AHRR: variants seen among roughly 807,000 people sequenced by gnomAD.
The protein encoded by AHRR is aryl hydrocarbon receptor repressor, also known as ahR repressor.
In AHRR, 28 loss-of-function variants were observed where a neutral mutation model predicts 44.0. The observed-to-expected ratio is 0.64, with a 90% CI of 0.47 to 0.87. The LOEUF is 0.87. Among genes scored for constraint, AHRR ranks in the 40% least tolerant of loss-of-function variants. AHRR has a pLI of 0.00. For synonymous variants in AHRR, 434 were observed against 407.0 expected, an observed-to-expected ratio of 1.07 and a Z score of -0.80; for missense variants, 990 against 953.9, an observed-to-expected ratio of 1.04 and a Z score of -0.50.
chr5:328,776 A>G (rs2126322274), intron 1 of AHRR, among the ~76,000 whole-genome samples: 1 of 152,158 alleles, frequency 6.6e-6, no homozygotes, highest in East Asian at 1.9e-4. Context: ...AGTTCCTCGT[A>G]TATTCTGGTT....
chr5:425,895 G>A (rs959699614), intron 7 of AHRR, among the ~76,000 whole-genome samples: 1 of 152,160 alleles, frequency 6.6e-6, no homozygotes, highest in Non-Finnish European at 1.5e-5. Context: ...GGCTCTTCCC[G>A]GCTTTCACCC....
intron 4 of AHRR, among the ~76,000 whole-genome samples, chr5:390,283 C>T (rs1734356805): frequency 6.6e-6 from 1 of 152,162 alleles, no homozygotes; most frequent in Non-Finnish European, 1.5e-5. Context: ...CACACGCCTG[C>T]ATCAAAACAT....
chr5:353,992 G>A, intron 3 of AHRR, 81 bp downstream of exon 3: 2 of 1,444,310 alleles, frequency 1.4e-6, no homozygotes, highest in South Asian at 2.6e-5. Context: ...TTGTGGCCAG[G>A]TGAAGTGTGT....
rs376775245 is a variant in AHRR at position 384,630 on chromosome 5, C to T, written c.351+7914C>T. ...GTAGATGGGGTTTCACCATGTTTGC[C>T]AGGCTGGTCTTGAACCCCTGACCTC... is the stretch of plus-strand genomic sequence containing the variant. On this transcript the variant is annotated intron_variant, in intron 4 of 10. Coordinates refer to ENST00000684583, the MANE Select transcript of AHRR (RefSeq NM_001377236.1). Among the ~76,000 whole-genome samples the T allele has an allele frequency of 2.6e-5, 4 of 152,266 alleles. No individual in the cohort carries two copies. In the East Asian group the frequency reaches 5.8e-4, roughly 22 times the overall value.
chr5:328,752 C>A (rs772764973), intron 1 of AHRR, among the ~76,000 whole-genome samples: 1 of 152,018 alleles, frequency 6.6e-6, no homozygotes, highest in African/African-American at 2.4e-5. Flanking sequence ...TTGTTGCCAT[C>A]GTTCAATTGT....
At chr5:348,636 T>C (rs1031180429) in intron 2 of AHRR, among the ~76,000 whole-genome samples, 1 of 152,226 alleles carries the variant, frequency 6.6e-6, no homozygotes, top group African/African-American at 2.4e-5. Context: ...TGTCTGCACT[T>C]GGTATAAAAG....
At chr5:376,557 A>AACCGCGG (rs368685976) in intron 3 of AHRR, 53 bp from the exon 4 acceptor site, 3 of 1,429,204 alleles carry the variant, frequency 2.1e-6, no homozygotes, top group Non-Finnish European at 2.8e-6. Flanking sequence ...AATGAAGAAG[A>AACCGCGG]GTGGCCAGGC....
At chr5:365,749 G>T (rs1743334410) in intron 3 of AHRR, among the ~76,000 whole-genome samples, 2 of 152,048 alleles carry the variant, frequency 1.3e-5, no homozygotes, top group Non-Finnish European at 2.9e-5. Context: ...CAATAAATTT[G>T]AAGTTTGAAA....
intron 3 of AHRR, among the ~76,000 whole-genome samples, chr5:374,615 A>G (rs1743712231): frequency 1.3e-5 from 2 of 152,170 alleles, no homozygotes; most frequent in South Asian, 2.1e-4. Flanking sequence ...TTTACCAGCT[A>G]TGGGAGTTGA....
At chr5:385,058 T>G (rs1052865752) in intron 4 of AHRR, among the ~76,000 whole-genome samples, 6 of 152,168 alleles carry the variant, frequency 3.9e-5, no homozygotes, top group Non-Finnish European at 5.9e-5. Context: ...GCAGGAGAAT[T>G]GCTTGTACCC....
At chr5:430,580 T>A (rs564048020) in intron 8 of AHRR, among the ~76,000 whole-genome samples, 1 of 152,336 alleles carries the variant, frequency 6.6e-6, no homozygotes, top group Non-Finnish European at 1.5e-5. Flanking sequence ...CGGTGGTCTC[T>A]GTTGTGGGCG....
At chr5:433,069 C>A (rs1579717110) in intron 10 of AHRR, 122 bp downstream of exon 10, 1 of 1,182,056 alleles carries the variant, frequency 8.5e-7, no homozygotes. Flanking sequence ...GCCTTGGCCA[C>A]CACACGAGCC....
In AHRR at chr5:395,940, G is replaced by T. The variant is rs1734683987; in HGVS notation, c.352-17404G>T. Among the ~76,000 whole-genome samples, 1 of 152,212 alleles carries T rather than the reference G, an allele frequency of 6.6e-6. No individual in the cohort carries two copies. The highest frequency in any genetic ancestry group is 1.5e-5 in the Non-Finnish European group (1 of 68,042). ...GGCTCTAAGGGGCTCCTGGTACGAG[G>T]ATTAGGAGGCCATGGGTCGTCCAGA... is the stretch of plus-strand genomic sequence containing the variant. On this transcript the variant is annotated intron_variant, in intron 4 of 10. Transcript: ENST00000684583. The surrounding 1 kb of genome is among the most constrained non-coding windows in gnomAD (Gnocchi z 5.3).
chr5:380,951 T>C (rs953820259), intron 4 of AHRR, among the ~76,000 whole-genome samples: 33 of 152,228 alleles, frequency 2.2e-4, no homozygotes, highest in African/African-American at 6.3e-4. Flanking sequence ...ATGCAGCTCC[T>C]AGCTCAAGGC....
At chr5:398,643 C>T (rs1023166107) in intron 4 of AHRR, among the ~76,000 whole-genome samples, 2 of 152,184 alleles carry the variant, frequency 1.3e-5, no homozygotes, top group Non-Finnish European at 2.9e-5. Flanking sequence ...TGTGCCAAAC[C>T]GGGTTTCAGG....
chr5:344,792 G>T (rs1355377664), intron 2 of AHRR, among the ~76,000 whole-genome samples: 1 of 125,112 alleles, frequency 8.0e-6, no homozygotes, highest in Non-Finnish European at 1.7e-5. Context: ...GGTGTGCGAG[G>T]CTGTGTGAGA....
intron 4 of AHRR, among the ~76,000 whole-genome samples, chr5:398,503 G>A (rs1734866208): frequency 6.6e-6 from 1 of 152,220 alleles, no homozygotes; most frequent in Admixed American, 6.5e-5. Flanking sequence ...TCTATTCAGT[G>A]GTGTTCACTC....
intron 1 of AHRR, among the ~76,000 whole-genome samples, chr5:324,255 T>TC (rs1462129863): frequency 2.0e-5 from 3 of 151,116 alleles, no homozygotes; most frequent in Non-Finnish European, 2.9e-5. Context: ...AGACAGGGTT[T>TC]CACTGTCTCT....
At chr5:396,727 C>T (rs1156978412) in intron 4 of AHRR, among the ~76,000 whole-genome samples, 1 of 152,090 alleles carries the variant, frequency 6.6e-6, no homozygotes, top group African/African-American at 2.4e-5. Flanking sequence ...GCATGCCGGC[C>T]CTGCAGCTGG....
Sources: gnomAD v4.1 joint callset for allele counts (sites outside exome capture counted in the v4.1 genomes callset) on GRCh38, gnomAD v4.1.1 for gene constraint, Gnocchi (gnomAD v3.1) non-coding constraint, MANE v1.5 for transcripts, NCBI Gene and HGNC (gene_info 2026-07-23, HGNC 2026-07-21) for gene names.